Variants in UNC13C observed in about 807,000 individuals in gnomAD.
UNC13C encodes the protein unc-13 homolog C, also known as protein unc-13 homolog C.
In UNC13C, 174 loss-of-function variants were observed where a neutral mutation model predicts 245.4. That is an observed-to-expected ratio of 0.71 (90% confidence interval 0.63 to 0.80). UNC13C has a LOEUF of 0.80. Among genes scored for constraint, UNC13C ranks in the 30% least tolerant of loss-of-function variants. UNC13C has a pLI of 0.00. For missense variants in UNC13C, 2,829 were observed against 2,602.9 expected (o/e 1.09, Z -1.89); for synonymous variants, 992 against 895.1 (o/e 1.11, Z -1.93).
chr15:54,164,641 G>A (rs982056807), intron 4 of UNC13C, among the ~76,000 whole-genome samples: 8 of 152,216 alleles, frequency 5.3e-5, no homozygotes, highest in African/African-American at 1.7e-4. Context: ...AGAGCCATCA[G>A]CCTCTGGCAG....
chr15:54,395,707 A>G (rs2040056421), intron 18 of UNC13C, among the ~76,000 whole-genome samples: 1 of 151,866 alleles, frequency 6.6e-6, no homozygotes. Flanking sequence ...TCTTATTGTT[A>G]TCATGAGTTT....
rs1272708228 is a variant in UNC13C at position 54,623,834 on chromosome 15, T to C, written c.6239T>C (p.Met2080Thr). 1 of 1,613,146 alleles carries C rather than the reference T, an allele frequency of 6.2e-7. No homozygotes were observed. The part of the protein sequence containing the change: ...INDLNWQTTA[M>T]FRPFVEVCIL... ...GACCTAAACTGGCAGACCACAGCAATGTTCCGCCCCTTTGTGGAAGTTTGT... is the reference window on the plus strand; with the variant it reads ...GACCTAAACTGGCAGACCACAGCAACGTTCCGCCCCTTTGTGGAAGTTTGT... The change falls in exon 32 of 33, where the codon ATG becomes ACG. Residue 2080 changes from methionine (M) to threonine (T), a missense_variant. Met to Thr is a moderately conservative substitution (Grantham distance 81). Coordinates refer to ENST00000260323, the MANE Select transcript of UNC13C (RefSeq NM_001080534.3).
chr15:54,587,515 A>T (rs1017282741), intron 30 of UNC13C, among the ~76,000 whole-genome samples: 1 of 152,254 alleles, frequency 6.6e-6, no homozygotes, highest in Non-Finnish European at 1.5e-5. Flanking sequence ...TAGTCGTATA[A>T]CTTCCACATA....
the UNC13C span, chr15:53,912,925 G>A: frequency 5.3e-5 from 8 of 152,178 alleles, no homozygotes; most frequent in African/African-American, 1.9e-4. Context: ...GCATGCAGCT[G>A]GACCTTCCAT....
At chr15:54,275,949 G>C (rs1373099521) in intron 10 of UNC13C, among the ~76,000 whole-genome samples, 2 of 152,052 alleles carry the variant, frequency 1.3e-5, no homozygotes, top group Non-Finnish European at 2.9e-5. Flanking sequence ...ATAGTGAAAA[G>C]GAATGAGCTG....
At chr15:53,926,860 GC>G in the UNC13C span, among the ~76,000 whole-genome samples, 7 of 152,180 alleles carry the variant, frequency 4.6e-5, no homozygotes, top group Admixed American at 1.3e-4. Context: ...TCAGGGATCT[GC>G]CAATAGTTTT....
chr15:54,606,731 G>A (rs1421268242), intron 30 of UNC13C, among the ~76,000 whole-genome samples: 1 of 152,180 alleles, frequency 6.6e-6, no homozygotes, highest in African/African-American at 2.4e-5. Flanking sequence ...GCTGAGTTAG[G>A]AGCTAAATCT....
chr15:54,247,773 T>C (rs2036034690), intron 7 of UNC13C, among the ~76,000 whole-genome samples: 1 of 152,260 alleles, frequency 6.6e-6, no homozygotes, highest in East Asian at 1.9e-4. Context: ...ATGTTTTTTT[T>C]TTTTATTTTT....
rs535767316 is a variant in UNC13C, at chr15:54,540,797, T to C, written c.5697-5925T>C. 2.6e-5 allele frequency among the ~76,000 whole-genome samples: 4 copies of C among 152,240 alleles called. No homozygotes were observed. In the South Asian group the frequency reaches 8.3e-4, roughly 32 times the overall value. On this transcript the variant is annotated intron_variant, in intron 26 of 32. Coordinates refer to ENST00000260323, the MANE Select transcript of UNC13C (RefSeq NM_001080534.3). ...GACAATGATTTTATTCCTATTTTTT[T>C]AGTTCCGGTCTAAGCAGGGTTAGTC...
chr15:54,099,340 ACT>A (rs1900044309), intron 2 of UNC13C, among the ~76,000 whole-genome samples: 1 of 151,988 alleles, frequency 6.6e-6, no homozygotes, highest in Admixed American at 6.6e-5. Flanking sequence ...TGGCTCCAAG[ACT>A]CTGCTGCAAA....
chr15:54,607,236 C>A (rs1325118812), intron 30 of UNC13C, among the ~76,000 whole-genome samples: 1 of 152,002 alleles, frequency 6.6e-6, no homozygotes, highest in East Asian at 1.9e-4. Flanking sequence ...TTTAAGAATG[C>A]GAGAGAATCT....
At position 54,015,031 on chromosome 15, in the gene UNC13C, G is replaced by C. The variant is rs1279671575; in HGVS notation, c.2128G>C (p.Glu710Gln). Residue 710 changes from glutamate (E) to glutamine (Q), a missense_variant, in exon 2 of 33, where the codon GAG (glutamate) becomes CAG (glutamine). Coordinates refer to ENST00000260323, the MANE Select transcript of UNC13C (RefSeq NM_001080534.3). Reference protein sequence around the residue: ...KCHSDLQDDSESYDLTQDDNS... With the variant: ...KCHSDLQDDSQSYDLTQDDNS... Reference sequence around the variant, plus strand: ...CCACAGTGATCTTCAAGATGACTCAGAGAGCTACGACTTAACTCAAGATGA... The same window carrying C: ...CCACAGTGATCTTCAAGATGACTCACAGAGCTACGACTTAACTCAAGATGA... 1 of 1,613,156 alleles carries C rather than the reference G, an allele frequency of 6.2e-7. No homozygotes were observed. The highest frequency in any genetic ancestry group is 8.5e-7 in the Non-Finnish European group (1 of 1,179,666).
intron 4 of UNC13C, among the ~76,000 whole-genome samples, chr15:54,213,338 C>G (rs1021246753): frequency 1.3e-4 from 20 of 151,744 alleles, no homozygotes; most frequent in Non-Finnish European, 1.5e-5. Context: ...ATACTAAATA[C>G]TAGAGAGGAA....
intron 22 of UNC13C, among the ~76,000 whole-genome samples, chr15:54,504,271 A>G (rs978106318): frequency 1.3e-5 from 2 of 152,200 alleles, no homozygotes; most frequent in Non-Finnish European, 2.9e-5. Context: ...AATGACGCAC[A>G]CATATTTATT....
chr15:54,539,122 G>T (rs1408598299), intron 26 of UNC13C, among the ~76,000 whole-genome samples: 2 of 151,930 alleles, frequency 1.3e-5, no homozygotes, highest in African/African-American at 4.8e-5. Context: ...AATAGGTAAG[G>T]ATAAAAAAGA....
At chr15:54,478,869 T>C (rs1323247711) in intron 19 of UNC13C, among the ~76,000 whole-genome samples, 2 of 152,116 alleles carry the variant, frequency 1.3e-5, no homozygotes, top group African/African-American at 2.4e-5. Flanking sequence ...GTATCCTTGT[T>C]AACTTTCTGT....
chr15:54,080,005 GGT>G (rs1566997053), intron 2 of UNC13C, among the ~76,000 whole-genome samples: 1 of 36,954 alleles, frequency 2.7e-5, no homozygotes, highest in African/African-American at 5.0e-5. Context: ...TTTGTCGAGC[GGT>G]TTTTTTTTTT....
At chr15:54,148,228 A>T (rs976578924) in intron 4 of UNC13C, among the ~76,000 whole-genome samples, 1 of 152,316 alleles carries the variant, frequency 6.6e-6, no homozygotes, top group Non-Finnish European at 1.5e-5. Flanking sequence ...TTTACCAAAA[A>T]ATATTAATAA....
chr15:54,552,441 TA>T (rs1896792006), intron 28 of UNC13C, among the ~76,000 whole-genome samples: 1 of 2,280 alleles, frequency 4.4e-4, no homozygotes, highest in African/African-American at 1.3e-3. Flanking sequence ...AATTATATAT[TA>T]CAATATATAA....
Sources: gnomAD v4.1 joint callset for allele counts (sites outside exome capture counted in the v4.1 genomes callset) on GRCh38, gnomAD v4.1.1 for gene constraint, MANE v1.5 for transcripts, NCBI Gene and HGNC (gene_info 2026-07-23, HGNC 2026-07-21) for gene names.